PLCL2: variants seen among roughly 807,000 people sequenced by gnomAD.
The protein encoded by PLCL2 is phospholipase C like 2, also known as inactive phospholipase C-like protein 2.
A neutral mutation model predicts 79.6 loss-of-function variants in PLCL2; 4 were observed. That is an observed-to-expected ratio of 0.05 (90% CI 0.02 to 0.11). PLCL2 has a LOEUF of 0.11. Ranked by LOEUF, PLCL2 falls within the 10% of genes least tolerant of loss-of-function variation. PLCL2 has a pLI of 1.00. For synonymous variants in PLCL2, 484 were observed against 457.7 expected, an observed-to-expected ratio of 1.06 and a Z score of -0.73; for missense variants, 895 against 1,291.0, an observed-to-expected ratio of 0.69 and a Z score of 4.70.
chr3:16,949,930 C>T (rs2063635339), intron 1 of PLCL2, among the ~76,000 whole-genome samples: 1 of 152,144 alleles, frequency 6.6e-6, no homozygotes, highest in Non-Finnish European at 1.5e-5. Flanking sequence ...TTTGGAATGC[C>T]ACCTTTCTTA....
Position 17,031,494 on chromosome 3 carries a change from A to G in PLCL2, c.3019-11380A>G, listed in dbSNP as rs535773372. On this transcript the variant is annotated intron_variant, in intron 3 of 5. Coordinates refer to ENST00000615277, the MANE Select transcript of PLCL2 (RefSeq NM_001144382.2). ...TCATGCTGTCTGGGATGGGATAAGG[A>G]TGTCGTGTAAACATATCATTAATGT... 2.6e-5 allele frequency among the ~76,000 whole-genome samples: 4 copies of G among 152,290 alleles called. No homozygotes were observed. In the South Asian group the frequency reaches 8.3e-4, roughly 32 times the overall value.
At chr3:16,995,954 A>C (rs2064149008) in intron 1 of PLCL2, among the ~76,000 whole-genome samples, 1 of 152,214 alleles carries the variant, frequency 6.6e-6, no homozygotes, top group African/African-American at 2.4e-5. Context: ...CAAGTAAAGT[A>C]AACCCTTTCA....
chr3:17,066,015 C>A (rs1438109968), intron 4 of PLCL2, among the ~76,000 whole-genome samples: 1 of 152,212 alleles, frequency 6.6e-6, no homozygotes, highest in Non-Finnish European at 1.5e-5. Flanking sequence ...AGTATTAAAA[C>A]TTAGAAAAGC....
intron 1 of PLCL2, among the ~76,000 whole-genome samples, chr3:16,911,311 A>G (rs1009499673): frequency 1.5e-4 from 23 of 151,784 alleles, no homozygotes; most frequent in Non-Finnish European, 2.8e-4. Flanking sequence ...CAGGTCTGTC[A>G]GGCTCCAAAG....
intron 1 of PLCL2, among the ~76,000 whole-genome samples, chr3:16,900,705 A>G (rs1235243990): frequency 2.6e-5 from 4 of 152,182 alleles, no homozygotes; most frequent in Admixed American, 6.5e-5. Flanking sequence ...GGCTCTCACA[A>G]TGCTCCCGTT....
chr3:16,895,166 T>C (rs1001677935), intron 1 of PLCL2, among the ~76,000 whole-genome samples: 1 of 150,886 alleles, frequency 6.6e-6, no homozygotes, highest in Admixed American at 6.6e-5. Flanking sequence ...TGAAAATGTC[T>C]TCTAGTATGT....
At chr3:16,980,586 G>T (rs1163957140) in intron 1 of PLCL2, among the ~76,000 whole-genome samples, 1 of 151,824 alleles carries the variant, frequency 6.6e-6, no homozygotes, top group Non-Finnish European at 1.5e-5. Context: ...ATGGCGGCCG[G>T]GAAGAGGCGC....
At chr3:17,089,357 T>C (rs760369609) in intron 5 of PLCL2, among the ~76,000 whole-genome samples, 1 of 152,260 alleles carries the variant, frequency 6.6e-6, no homozygotes, top group Non-Finnish European at 1.5e-5. Context: ...TCTGTGAGTT[T>C]ATACTTATTT....
At position 17,083,079 on chromosome 3, in the gene PLCL2, G is replaced by A. The variant is rs1440838100; in HGVS notation, c.3205-6654G>A. Among the ~76,000 whole-genome samples the A allele has an allele frequency of 6.6e-5, 10 of 152,114 alleles. No individual in the cohort carries two copies. In the South Asian group the frequency reaches 1.0e-3, roughly 16 times the overall value. On this transcript the variant is annotated intron_variant, in intron 5 of 5. Coordinates refer to ENST00000615277, the MANE Select transcript of PLCL2 (RefSeq NM_001144382.2). The stretch of plus-strand genomic sequence containing the variant: ...TCAGAAGACAAAAATTCCTGCCCTC[G>A]TGAAGTTTACATTTAGTGGAAGAGA...
At chr3:16,927,617 A>G (rs746131966) in intron 1 of PLCL2, among the ~76,000 whole-genome samples, 7 of 152,264 alleles carry the variant, frequency 4.6e-5, no homozygotes, top group Middle Eastern at 3.4e-3. Context: ...ACCATTGACA[A>G]TTTTGCATTG....
intron 5 of PLCL2, among the ~76,000 whole-genome samples, chr3:17,077,077 T>A (rs1394200049): frequency 1.3e-5 from 2 of 152,224 alleles, no homozygotes; most frequent in African/African-American, 4.8e-5. Context: ...CTCCACACTC[T>A]GTCTTCTCAC....
At chr3:16,914,588 C>A (rs1430369514) in intron 1 of PLCL2, among the ~76,000 whole-genome samples, 2 of 146,286 alleles carry the variant, frequency 1.4e-5, no homozygotes, top group East Asian at 2.0e-4. Context: ...TATCTTTTTG[C>A]GTAGATTTGG....
At chr3:17,005,441 A>G (rs184121607) in intron 1 of PLCL2, among the ~76,000 whole-genome samples, 1 of 152,324 alleles carries the variant, frequency 6.6e-6, no homozygotes, top group Admixed American at 6.5e-5. Flanking sequence ...TAAGTATCCC[A>G]GATGGTAATT....
At chr3:17,043,119 C>G (rs1240035012) in intron 4 of PLCL2, among the ~76,000 whole-genome samples, 170 bp downstream of exon 4, 1 of 152,142 alleles carries the variant, frequency 6.6e-6, no homozygotes, top group Non-Finnish European at 1.5e-5. Flanking sequence ...GGGTAACAAA[C>G]TCACCTGAGG....
chr3:17,061,627 CAT>C (rs2064954504), intron 4 of PLCL2, among the ~76,000 whole-genome samples: 1 of 151,992 alleles, frequency 6.6e-6, no homozygotes, highest in African/African-American at 2.4e-5. Flanking sequence ...AACACCTACA[CAT>C]ATAAAAAATC....
intron 4 of PLCL2, among the ~76,000 whole-genome samples, chr3:17,059,068 T>C (rs925231829): frequency 6.6e-6 from 1 of 152,204 alleles, no homozygotes; most frequent in African/African-American, 2.4e-5. Context: ...CAGAGATTAT[T>C]CTATAAATAT....
At chr3:16,957,795 A>G (rs918648717) in intron 1 of PLCL2, among the ~76,000 whole-genome samples, 13 of 151,808 alleles carry the variant, frequency 8.6e-5, no homozygotes, top group African/African-American at 1.9e-4. Flanking sequence ...GGCCTTCTTT[A>G]TCTCTTTTGA....
Position 17,052,253 on chromosome 3 carries a change from A to AC in PLCL2, c.3094+9304_3094+9305insC, listed in dbSNP as rs60162732. Among the ~76,000 whole-genome samples, 20 of 100,004 alleles carry AC rather than the reference A, an allele frequency of 2.0e-4. No individual in the cohort carries two copies. In the Admixed American group the frequency reaches 2.0e-3, roughly 10 times the overall value. The allele number at this position is 100,004 out of a possible 152,430, so 65.6% of individuals were successfully genotyped here. ...GAATATGGCAAAAAAAAAAAAAAAA[A>AC]TTGGGGGGGGGTGAAGGTCTCAGGT... On this transcript the variant is annotated intron_variant, in intron 4 of 5. Transcript: ENST00000615277.
At chr3:16,919,052 T>C (rs1381785953) in intron 1 of PLCL2, among the ~76,000 whole-genome samples, 2 of 152,162 alleles carry the variant, frequency 1.3e-5, no homozygotes, top group African/African-American at 4.8e-5. Context: ...ACCATAATAC[T>C]TCGTTGTGAA....
Sources: gnomAD v4.1 joint callset for allele counts (sites outside exome capture counted in the v4.1 genomes callset) on GRCh38, gnomAD v4.1.1 for gene constraint, MANE v1.5 for transcripts, NCBI Gene and HGNC (gene_info 2026-07-23, HGNC 2026-07-21) for gene names.